CFAP44: variants seen among roughly 807,000 people sequenced by gnomAD.
CFAP44 encodes the protein cilia- and flagella-associated protein 44.
Under a neutral mutation model 216.2 loss-of-function variants are expected in CFAP44, and 134 were observed. The ratio of observed to expected loss-of-function variants is 0.62; its 90% CI spans 0.54 to 0.72. The LOEUF is 0.72. Ranked by LOEUF, CFAP44 falls within the 30% of genes least tolerant of loss-of-function variation. The pLI is 0.00. For missense variants in CFAP44, 2,035 were observed against 2,182.1 expected (o/e 0.93, Z 1.34); for synonymous variants, 700 against 727.6 (o/e 0.96, Z 0.61).
chr3:113,351,695 C>A (rs1165095460), intron 22 of CFAP44, among the ~76,000 whole-genome samples: 1 of 152,180 alleles, frequency 6.6e-6, no homozygotes, highest in Non-Finnish European at 1.5e-5. Flanking sequence ...TCAGACAACG[C>A]CTTTCAAACT....
intron 28 of CFAP44, among the ~76,000 whole-genome samples, chr3:113,317,206 T>C (rs1950096339): frequency 6.6e-6 from 1 of 152,238 alleles, no homozygotes; most frequent in Non-Finnish European, 1.5e-5. Context: ...CCCATGGATG[T>C]GTGACCTGGC....
chr3:113,426,839 G>A, intron 3 of CFAP44: 1 of 237,676 alleles, frequency 4.2e-6, no homozygotes, highest in Non-Finnish European at 7.9e-6. Flanking sequence ...TGCATCAGGA[G>A]TAAATGCTGA....
intron 22 of CFAP44, among the ~76,000 whole-genome samples, chr3:113,351,657 C>T (rs143224864): frequency 0.029 from 4,398 of 152,210 alleles, 110 homozygotes; most frequent in East Asian, 0.1. Flanking sequence ...AGATGCCAAC[C>T]GGCATTTACA....
intron 13 of CFAP44, among the ~76,000 whole-genome samples, chr3:113,398,396 T>C (rs908428270): frequency 6.6e-6 from 1 of 152,160 alleles, no homozygotes; most frequent in African/African-American, 2.4e-5. Context: ...ATGTGTAGCC[T>C]TCCAGAAAGG....
chr3:113,323,823 C>T (rs1950166094), intron 28 of CFAP44, among the ~76,000 whole-genome samples: 2 of 152,096 alleles, frequency 1.3e-5, no homozygotes, highest in Admixed American at 6.5e-5. Context: ...GCCGGTGGAA[C>T]ACAAGGTCAG....
intron 11 of CFAP44, 145 bp downstream of exon 11, chr3:113,401,095 G>C (rs983316744): frequency 6.1e-6 from 4 of 659,896 alleles, no homozygotes; most frequent in Non-Finnish European, 1.0e-5. Context: ...ACGAGAGAGA[G>C]AATTCTCAAG....
chr3:113,364,332 G>A (rs546832548), intron 19 of CFAP44, among the ~76,000 whole-genome samples: 12 of 152,124 alleles, frequency 7.9e-5, no homozygotes, highest in Admixed American at 5.2e-4. Context: ...GTCATTTGTT[G>A]TAAGTAAATA....
intron 28 of CFAP44, among the ~76,000 whole-genome samples, chr3:113,309,781 C>T (rs1950021304): frequency 6.6e-6 from 1 of 152,168 alleles, no homozygotes; most frequent in South Asian, 2.1e-4. Flanking sequence ...TGAGGAACAA[C>T]ACTGTGGCGA....
intron 24 of CFAP44, among the ~76,000 whole-genome samples, chr3:113,341,214 T>G (rs1311838705): frequency 6.6e-6 from 1 of 151,958 alleles, no homozygotes; most frequent in Non-Finnish European, 1.5e-5. Flanking sequence ...ATGCCTGTCC[T>G]CACCTAGGTC....
chr3:113,340,289 CA>C (rs1197041968), intron 24 of CFAP44, among the ~76,000 whole-genome samples: 1 of 152,180 alleles, frequency 6.6e-6, no homozygotes, highest in East Asian at 1.9e-4. Flanking sequence ...AACATTTCCA[CA>C]GCCTGTAACA....
chr3:113,353,196 A>T (rs1950461089), intron 22 of CFAP44, among the ~76,000 whole-genome samples: 1 of 152,080 alleles, frequency 6.6e-6, no homozygotes, highest in East Asian at 1.9e-4. Flanking sequence ...TCTATGGCAC[A>T]GGTGGCTCCT....
chr3:113,439,037 A>C (rs943417309), intron 1 of CFAP44, among the ~76,000 whole-genome samples: 1 of 152,188 alleles, frequency 6.6e-6, no homozygotes, highest in African/African-American at 2.4e-5. Context: ...GTATTCCTTT[A>C]AGGCAGTCGA....
chr3:113,352,037 C>T (rs1312081516), intron 22 of CFAP44, among the ~76,000 whole-genome samples: 1 of 152,144 alleles, frequency 6.6e-6, no homozygotes, highest in Non-Finnish European at 1.5e-5. Context: ...CAATTCCCAA[C>T]AGCAGTTGGG....
At chr3:113,374,194 T>G (rs1019114360) in intron 17 of CFAP44, among the ~76,000 whole-genome samples, 2 of 151,956 alleles carry the variant, frequency 1.3e-5, no homozygotes, top group African/African-American at 4.8e-5. Flanking sequence ...AACAGCAGAC[T>G]AGATTGTTTC....
At chr3:113,320,014 T>C (rs1360398591) in intron 28 of CFAP44, among the ~76,000 whole-genome samples, 1 of 151,988 alleles carries the variant, frequency 6.6e-6, no homozygotes, top group African/African-American at 2.4e-5. Context: ...TTCCTGGAAA[T>C]ACATAATCTC....
At chr3:113,423,256 AGGT>A (rs1334367668) in intron 4 of CFAP44, among the ~76,000 whole-genome samples, 2 of 151,814 alleles carry the variant, frequency 1.3e-5, no homozygotes, top group Admixed American at 1.3e-4. Flanking sequence ...CTGAGACTAC[AGGT>A]GTGCACCACC....
chr3:113,418,077 TATTTATTTATTGAGACACA>T (rs1040064762), intron 5 of CFAP44, among the ~76,000 whole-genome samples: 3 of 151,806 alleles, frequency 2.0e-5, no homozygotes, highest in Non-Finnish European at 4.4e-5. Context: ...TTTATTTATT[TATTTATTTATTGAGACACA>T]ATTTATTTAT....
intron 7 of CFAP44, among the ~76,000 whole-genome samples, chr3:113,408,716 A>T (rs1030129365): frequency 2.0e-5 from 3 of 152,070 alleles, no homozygotes; most frequent in African/African-American, 7.2e-5. Flanking sequence ...ATACAAAATT[A>T]GCCAAGCGTT....
chr3:113,325,601 C>T (rs1315291839), intron 28 of CFAP44, among the ~76,000 whole-genome samples: 1 of 151,830 alleles, frequency 6.6e-6, no homozygotes, highest in African/African-American at 2.4e-5. Context: ...ATTGTGCTTT[C>T]CATTGGAAAA....
Sources: gnomAD v4.1 joint callset for allele counts (sites outside exome capture counted in the v4.1 genomes callset) on GRCh38, gnomAD v4.1.1 for gene constraint, MANE v1.5 for transcripts, NCBI Gene and HGNC (gene_info 2026-07-23, HGNC 2026-07-21) for gene names.